The following COL19A1 variants were observed in gnomAD, a reference collection of about 807,000 sequenced individuals.
COL19A1 encodes the protein collagen type XIX alpha 1 chain, also known as collagen alpha-1(XIX) chain.
A neutral mutation model predicts 190.2 loss-of-function variants in COL19A1; 159 were observed. The observed-to-expected ratio is 0.84, with a 90% CI of 0.73 to 0.95. The LOEUF is 0.95. COL19A1 is among the 40% of genes least tolerant of loss of function. The pLI is 0.00. For missense variants in COL19A1, 1,418 were observed against 1,431.9 expected, an observed-to-expected ratio of 0.99 and a Z score of 0.16; for synonymous variants, 509 against 458.9, an observed-to-expected ratio of 1.11 and a Z score of -1.39.
chr6:69,936,687 G>A, intron 7 of COL19A1, 98 bp from the exon 8 acceptor site: 1 of 1,469,718 alleles, frequency 6.8e-7, no homozygotes. Context: ...GTTCTTGCAG[G>A]CAACCTCAGC....
intron 15 of COL19A1, among the ~76,000 whole-genome samples, chr6:70,078,864 C>T (rs557887993): frequency 2.0e-5 from 3 of 152,172 alleles, no homozygotes; most frequent in African/African-American, 4.8e-5. Flanking sequence ...GTCAGGAGTT[C>T]GATACCAGCC....
intron 11 of COL19A1, among the ~76,000 whole-genome samples, chr6:70,023,054 C>A (rs966714623): frequency 6.6e-6 from 1 of 151,932 alleles, no homozygotes; most frequent in Admixed American, 6.6e-5. Context: ...ATCCAAATCA[C>A]CTTCCAGAAA....
At chr6:70,059,628 C>T (rs567953821) in intron 14 of COL19A1, 166 of 273,636 alleles carry the variant, frequency 6.1e-4, no homozygotes, top group African/African-American at 3.5e-3. Flanking sequence ...CTATTTTTTG[C>T]TTATTTTTAT....
intron 27 of COL19A1, 26 bp from the exon 28 acceptor site, chr6:70,149,678 A>G: frequency 6.2e-7 from 1 of 1,610,840 alleles, no homozygotes; most frequent in Non-Finnish European, 8.5e-7. Flanking sequence ...GTGGAATTTT[A>G]ATAATAAAAT....
At chr6:69,908,605 A>G (rs1481589257) in intron 4 of COL19A1, among the ~76,000 whole-genome samples, 1 of 152,158 alleles carries the variant, frequency 6.6e-6, no homozygotes, top group Non-Finnish European at 1.5e-5. Context: ...AGGCAGCAAT[A>G]AATTTCTTAG....
Position 69,900,264 on chromosome 6 carries a change from T to A in COL19A1, c.192T>A (p.Ser64=), listed in dbSNP as rs776058071. 1.3e-6 allele frequency: 2 copies of A among 1,595,374 alleles called. No individual in the cohort carries two copies. Among genetic ancestry groups the A allele is most frequent in the South Asian group, 2.3e-5 (2 of 86,904 alleles). The change falls in exon 4 of 51, where the codon TCT becomes TCA. Residue 64 remains serine (S), a synonymous_variant. Transcript: ENST00000620364. ...GTTTTGATCTAGGAGACAGCTTTTC[T>A]CTAAGACGTGCATTTTGTGAAAGTG... ...VSGFDLGDSF[S]LRRAFCESDK...
intron 4 of COL19A1, among the ~76,000 whole-genome samples, chr6:69,908,703 A>G (rs1348815548): frequency 6.6e-6 from 1 of 152,168 alleles, no homozygotes. Context: ...ATTTGATGTT[A>G]TCATTATCAA....
intron 11 of COL19A1, among the ~76,000 whole-genome samples, chr6:69,984,827 T>G (rs376929283): frequency 9.8e-5 from 15 of 152,300 alleles, no homozygotes; most frequent in African/African-American, 3.6e-4. Context: ...GCCATTAGTC[T>G]TCTATCATTG....
intron 16 of COL19A1, among the ~76,000 whole-genome samples, chr6:70,114,520 C>T (rs934746943): frequency 1.3e-5 from 2 of 152,192 alleles, no homozygotes; most frequent in African/African-American, 4.8e-5. Context: ...ACACAGTTGT[C>T]ACTTTCAAAG....
chr6:69,950,674 CCACACACACACACA>C (rs56757599), intron 9 of COL19A1, among the ~76,000 whole-genome samples: 42 of 136,256 alleles, frequency 3.1e-4, no homozygotes, highest in East Asian at 1.5e-3. Flanking sequence ...ATGAATGCAG[CCACACACACACACA>C]CACACACACA....
intron 4 of COL19A1, among the ~76,000 whole-genome samples, chr6:69,920,995 TATATATATCATATATATTC>T: frequency 2.1e-5 from 1 of 48,302 alleles, no homozygotes; most frequent in Non-Finnish European, 3.1e-5. Context: ...TATATATTCA[TATATATATCATATATATTC>T]ATATATATAT....
intron 36 of COL19A1, among the ~76,000 whole-genome samples, chr6:70,164,358 T>A (rs900358515): frequency 6.6e-5 from 10 of 152,094 alleles, no homozygotes; most frequent in African/African-American, 2.4e-4. Context: ...ATCGGGGAAG[T>A]AAGAATCAAG....
Position 70,142,789 on chromosome 6 carries a change from C to G in COL19A1, c.1595C>G (p.Ser532Cys), listed in dbSNP as rs749561572. 1.2e-6 allele frequency: 2 copies of G among 1,612,190 alleles called. No homozygotes were observed. Among genetic ancestry groups the G allele is most frequent in the Non-Finnish European group, 1.7e-6 (2 of 1,179,026 alleles). The change falls in exon 23 of 51, where the codon TCC becomes TGC. Residue 532 changes from serine (S) to cysteine (C), a missense_variant. Physicochemically the swap from Ser to Cys is moderately radical, Grantham distance 112 (BLOSUM62 -1). Coordinates refer to ENST00000620364, the MANE Select transcript of COL19A1 (RefSeq NM_001858.6). ...GLKGQQGSAGSMGPRGPPGDV... is the reference protein window; with the variant it reads ...GLKGQQGSAGCMGPRGPPGDV... ...TAGGGTCAGCAAGGATCTGCAGGCT[C>G]CATGGGACCCAGAGGACCGCCAGGA...
chr6:69,884,552 A>G (rs1296828246), intron 2 of COL19A1, among the ~76,000 whole-genome samples: 1 of 152,190 alleles, frequency 6.6e-6, no homozygotes, highest in Non-Finnish European at 1.5e-5. Context: ...CTACTAAAGA[A>G]TGAAGATAAT....
At chr6:70,096,431 T>C (rs1783280056) in intron 15 of COL19A1, among the ~76,000 whole-genome samples, 1 of 152,136 alleles carries the variant, frequency 6.6e-6, no homozygotes, top group African/African-American at 2.4e-5. Context: ...TCACCAACAC[T>C]TGTTTTCAGA....
chr6:69,882,114 C>T (rs1768600834), intron 2 of COL19A1, among the ~76,000 whole-genome samples: 1 of 152,260 alleles, frequency 6.6e-6, no homozygotes, highest in Non-Finnish European at 1.5e-5. Flanking sequence ...TACTATTAAA[C>T]CTAAATATAT....
At chr6:70,035,595 A>C (rs1017905915) in intron 13 of COL19A1, among the ~76,000 whole-genome samples, 1 of 152,194 alleles carries the variant, frequency 6.6e-6, no homozygotes, top group Non-Finnish European at 1.5e-5. Context: ...GCAAGTAAAC[A>C]TACTTGAAAA....
intron 12 of COL19A1, among the ~76,000 whole-genome samples, chr6:70,025,277 G>A (rs919764459): frequency 2.6e-5 from 4 of 152,220 alleles, no homozygotes; most frequent in South Asian, 2.1e-4. Flanking sequence ...TGATCCGCCC[G>A]CGTCGGCCTC....
chr6:70,056,275 C>G (rs6913378), intron 14 of COL19A1, among the ~76,000 whole-genome samples: 8,102 of 152,172 alleles, frequency 0.053, 693 homozygotes, highest in African/African-American at 0.19. Flanking sequence ...TTTATCTGAG[C>G]ATAGAATTCT....
Sources: allele counts gnomAD v4.1 joint callset (sites outside exome capture counted in the v4.1 genomes callset), GRCh38; gene constraint gnomAD v4.1.1; transcripts MANE v1.5; gene names NCBI Gene and HGNC (gene_info 2026-07-23, HGNC 2026-07-21).